The following ERICH3 variants were observed in gnomAD, a reference collection of about 807,000 sequenced individuals.
The protein encoded by ERICH3 is glutamate rich 3.
Under a neutral mutation model 131.1 loss-of-function variants are expected in ERICH3, and 126 were observed. The ratio of observed to expected loss-of-function variants is 0.96; its 90% CI spans 0.83 to 1.11. The LOEUF (loss-of-function observed/expected upper bound fraction) is 1.11, where lower values mean the gene tolerates loss of function less well. ERICH3 is among the 50% of genes most tolerant of loss of function. The pLI, the probability that ERICH3 is intolerant of heterozygous loss-of-function variation, is 0.00. For synonymous variants in ERICH3, 695 were observed against 644.6 expected (o/e 1.08, Z -1.18); for missense variants, 2,050 against 1,810.7 (o/e 1.13, Z -2.40).
intron 6 of ERICH3, among the ~76,000 whole-genome samples, chr1:74,634,123 T>C (rs1316043154): frequency 6.6e-6 from 1 of 152,112 alleles, no homozygotes; most frequent in Non-Finnish European, 1.5e-5. Context: ...TACTCAGCAA[T>C]GTACAGAATA....
intron 7 of ERICH3, among the ~76,000 whole-genome samples, chr1:74,629,478 T>C (rs1214803538): frequency 6.6e-6 from 1 of 152,156 alleles, no homozygotes; most frequent in Non-Finnish European, 1.5e-5. Flanking sequence ...GACACCATGC[T>C]GTGCTTCTAA....
At position 74,673,573 on chromosome 1, in the gene ERICH3, G is replaced by A; in HGVS notation, c.-54C>T. On this transcript the variant is annotated 5_prime_UTR_variant, in exon 1 of 15. Transcript: ENST00000326665. ...GCAGGTGCGGAGGGTGGGTGCGTGG[G>A]GCCCCGTGCGCGCTGGCGCTGCGAC... The A allele has an allele frequency of 6.3e-7, 1 of 1,592,036 alleles. No individual in the cohort carries two copies. Among genetic ancestry groups the A allele is most frequent in the Non-Finnish European group, 8.6e-7 (1 of 1,168,422 alleles).
chr1:74,646,539 A>C, intron 3 of ERICH3, 128 bp downstream of exon 3: 1 of 564,132 alleles, frequency 1.8e-6, no homozygotes, highest in Admixed American at 4.3e-5. Flanking sequence ...TAGGTACAAA[A>C]GCATTATTAA....
chr1:74,572,838 G>A lies in ERICH3; in HGVS notation c.2872C>T (p.Pro958Ser), dbSNP rs770487156. Reference protein sequence around the residue: ...EASIDLEDTGPMEDTASKRED... With the variant: ...EASIDLEDTGSMEDTASKRED... Reference sequence around the variant, plus strand: ...CTCTTTGATGCTGTGTCCTCCATGGGTCCTGTGTCCTCTAGGTCTATGGAT... The same window carrying A: ...CTCTTTGATGCTGTGTCCTCCATGGATCCTGTGTCCTCTAGGTCTATGGAT... The change falls in exon 14 of 15, where the codon CCC (proline) becomes TCC (serine). Residue 958 changes from proline to serine, a missense_variant. Physicochemically the swap from Pro to Ser is moderately conservative, Grantham distance 74. Coordinates refer to ENST00000326665, the MANE Select transcript of ERICH3 (RefSeq NM_001002912.5). 45 of 1,613,544 alleles carry A rather than the reference G, an allele frequency of 2.8e-5. No individual in the cohort carries two copies. The East Asian group carries it at 9.8e-4, about 35-fold the overall frequency.
chr1:74,656,844 G>C (rs537309689), intron 1 of ERICH3, among the ~76,000 whole-genome samples: 2 of 152,154 alleles, frequency 1.3e-5, no homozygotes, highest in Admixed American at 6.6e-5. Flanking sequence ...CTTTCCTAGG[G>C]TCCTTGTCTC....
chr1:74,617,393 T>C (rs557673798), intron 8 of ERICH3, among the ~76,000 whole-genome samples: 25 of 152,224 alleles, frequency 1.6e-4, no homozygotes, highest in Non-Finnish European at 3.1e-4. Context: ...AACATGTATC[T>C]ACCCAAAAAC....
At chr1:74,600,243 C>T (rs972454164) in intron 10 of ERICH3, among the ~76,000 whole-genome samples, 2 of 151,582 alleles carry the variant, frequency 1.3e-5, no homozygotes, top group Admixed American at 1.3e-4. Context: ...TGATATAAAA[C>T]AATAAATTAG....
intron 5 of ERICH3, among the ~76,000 whole-genome samples, chr1:74,637,125 G>A (rs1269495250): frequency 6.6e-6 from 1 of 152,156 alleles, no homozygotes; most frequent in African/African-American, 2.4e-5. Flanking sequence ...GACTCTGGGG[G>A]TCACTCCTTT....
chr1:74,664,036 ATT>A (rs1028102334), intron 1 of ERICH3, among the ~76,000 whole-genome samples: 7 of 152,262 alleles, frequency 4.6e-5, no homozygotes, highest in African/African-American at 1.7e-4. Flanking sequence ...TATAAAAACT[ATT>A]CAAATGCTAC....
chr1:74,589,442 T>C (rs2100560445), intron 12 of ERICH3, 189 bp downstream of exon 12: 2 of 638,948 alleles, frequency 3.1e-6, no homozygotes, highest in South Asian at 2.2e-5. Context: ...ATTTTTTAAG[T>C]GCAAGAGAAG....
At chr1:74,662,401 G>A (rs1013299797) in intron 1 of ERICH3, among the ~76,000 whole-genome samples, 16 of 152,098 alleles carry the variant, frequency 1.1e-4, no homozygotes, top group African/African-American at 3.9e-4. Context: ...CCTATGAGTT[G>A]TGGTGAAATA....
At chr1:74,646,879 AAGAC>A (rs949088050) in intron 2 of ERICH3, 87 bp from the exon 3 acceptor site, 8 of 443,596 alleles carry the variant, frequency 1.8e-5, no homozygotes, top group South Asian at 1.0e-4. Flanking sequence ...GAGGGTGGAG[AAGAC>A]AGACAGACAC....
At chr1:74,577,029 C>T in intron 12 of ERICH3, 93 bp from the exon 13 acceptor site, 1 of 1,064,736 alleles carries the variant, frequency 9.4e-7, no homozygotes, top group Non-Finnish European at 1.3e-6. Flanking sequence ...TCAGTTAAGG[C>T]AAATTCACCT....
intron 8 of ERICH3, 43 bp from the exon 9 acceptor site, chr1:74,612,852 C>A: frequency 1.4e-6 from 2 of 1,463,934 alleles, no homozygotes; most frequent in Non-Finnish European, 1.9e-6. Context: ...CAACTGACTT[C>A]GGACTAACAT....
chr1:74,624,473 T>C (rs1221394230), intron 7 of ERICH3: 1 of 152,354 alleles, frequency 6.6e-6, no homozygotes, highest in African/African-American at 2.4e-5. Flanking sequence ...TCTTTCTCTC[T>C]GGTTTTGCCT....
rs1402883884 is a variant in ERICH3 at position 74,579,703 on chromosome 1, G to A, written c.2177-2767C>T. ...TAACCTCAACTGTTTTCCACCCATAGTAAAAGAGGACTGTGCATGCTGAGA... is the reference window on the plus strand; with the variant it reads ...TAACCTCAACTGTTTTCCACCCATAATAAAAGAGGACTGTGCATGCTGAGA... On this transcript the variant is annotated intron_variant, in intron 12 of 14. Coordinates refer to ENST00000326665, the MANE Select transcript of ERICH3 (RefSeq NM_001002912.5). 4.1e-6 allele frequency: 4 copies of A among 985,210 alleles called. No homozygotes were observed. In the Admixed American group the frequency reaches 1.8e-4, roughly 45 times the overall value. 61.0% of individuals were successfully genotyped at this position (985,210 alleles called of 1,614,324 possible). A position where few individuals can be genotyped will look rare whatever the true frequency, so the allele number is the denominator to read the frequency against.
intron 9 of ERICH3, 51 bp downstream of exon 9, chr1:74,612,572 A>C: frequency 6.9e-7 from 1 of 1,447,200 alleles, no homozygotes; most frequent in Non-Finnish European, 9.3e-7. Context: ...AGGCATTCAA[A>C]GAAAAATGTA....
chr1:74,644,230 C>G (rs192093137), intron 3 of ERICH3, among the ~76,000 whole-genome samples: 3 of 152,098 alleles, frequency 2.0e-5, no homozygotes, highest in African/African-American at 7.2e-5. Flanking sequence ...TTTCCTCTCT[C>G]TCTTCCTCTG....
chr1:74,659,401 C>T (rs1646618983), intron 1 of ERICH3, among the ~76,000 whole-genome samples: 1 of 152,220 alleles, frequency 6.6e-6, no homozygotes, highest in Non-Finnish European at 1.5e-5. Context: ...AAACAGATGA[C>T]ACCCACTGTC....
Sources: gnomAD v4.1 joint callset for allele counts (sites outside exome capture counted in the v4.1 genomes callset) on GRCh38, gnomAD v4.1.1 for gene constraint, MANE v1.5 for transcripts, NCBI Gene and HGNC (gene_info 2026-07-23, HGNC 2026-07-21) for gene names.